F2: variants seen among roughly 807,000 people sequenced by gnomAD.
The protein encoded by F2 is prothrombin.
In F2, 34 loss-of-function variants were observed where a neutral mutation model predicts 81.9. The observed-to-expected ratio is 0.42, with a 90% CI of 0.32 to 0.55. The LOEUF (loss-of-function observed/expected upper bound fraction) is 0.55. Ranked by LOEUF, F2 falls within the 20% of genes least tolerant of loss-of-function variation. The pLI is 0.18. For missense variants in F2, 630 were observed against 833.4 expected (o/e 0.76, Z 3.00); for synonymous variants, 296 against 326.4 (o/e 0.91, Z 1.01).
rs1448014503 is a variant in F2 at position 46,739,458 on chromosome 11, T to C, written c.*50T>C. On this transcript the variant is annotated 3_prime_UTR_variant, in exon 14 of 14. Coordinates refer to ENST00000311907, the MANE Select transcript of F2 (RefSeq NM_000506.5). ...TGGAACCAATCCCGTGAAAGAATTA[T>C]TTTTGTGTTTCTAAAACTATGGTTC... 12 of 1,611,052 alleles carry C rather than the reference T, an allele frequency of 7.4e-6. No individual in the cohort carries two copies. The African/African-American group carries it at 1.3e-4, about 18-fold the overall frequency.
intron 2 of F2, chr11:46,720,232 G>A (rs866059558): frequency 3.6e-6 from 2 of 559,608 alleles, no homozygotes; most frequent in East Asian, 3.1e-5. Context: ...TGTTCCTGGA[G>A]CTCTGTGTCG....
At chr11:46,720,249 C>T in intron 2 of F2, 1 of 568,036 alleles carries the variant, frequency 1.8e-6, no homozygotes, top group Non-Finnish European at 3.1e-6. Flanking sequence ...GTCGCCTTTC[C>T]TGTCTGTAGG....
chr11:46,732,941 T>A (rs149231907), intron 12 of F2, among the ~76,000 whole-genome samples: 3 of 152,318 alleles, frequency 2.0e-5, no homozygotes, highest in East Asian at 3.9e-4. Context: ...AACTGAGATC[T>A]GGGTGCTGGC....
chr11:46,738,307 G>GT (rs1406910385), intron 12 of F2, among the ~76,000 whole-genome samples: 12 of 151,948 alleles, frequency 7.9e-5, no homozygotes, highest in Non-Finnish European at 1.0e-4. Flanking sequence ...TGAAGGTGTG[G>GT]TTTTTTTGTG....
At chr11:46,732,105 G>A (rs2064916732) in intron 12 of F2, among the ~76,000 whole-genome samples, 1 of 151,326 alleles carries the variant, frequency 6.6e-6, no homozygotes, top group South Asian at 2.1e-4. Flanking sequence ...TAGTAGAGAT[G>A]GGGTTTCACC....
chr11:46,726,271 C>A lies in F2; in HGVS notation c.874+98C>A. The A allele has an allele frequency of 6.6e-7, 1 of 1,511,808 alleles. No homozygotes were observed. Among genetic ancestry groups the A allele is most frequent in the Non-Finnish European group, 9.0e-7 (1 of 1,111,524 alleles). The allele number at this position is 1,511,808 out of a possible 1,614,324, so 93.6% of individuals were successfully genotyped here. On this transcript the variant is annotated intron_variant, in intron 7 of 13. Transcript: ENST00000311907. The surrounding 1 kb of genome is among the most constrained non-coding windows in gnomAD (Gnocchi z 5.9). ...TATCGAACGCTTACCTCATTGAGTG[C>A]GCTCATTACAGCCTTACAGTAACCA...
chr11:46,729,277 G>C, intron 11 of F2, 103 bp from the exon 12 acceptor site: 2 of 1,322,228 alleles, frequency 1.5e-6, no homozygotes, highest in African/African-American at 1.4e-5. Flanking sequence ...TCTGTGCCCA[G>C]CCAGCTCTGG....
chr11:46,728,844 C>T lies in F2; in HGVS notation c.1472+7C>T. 1 of 1,613,500 alleles carries T rather than the reference C, an allele frequency of 6.2e-7. No homozygotes were observed. Among genetic ancestry groups the T allele is most frequent in the Non-Finnish European group, 8.5e-7 (1 of 1,180,010 alleles). ...ACAGGGAGACGGCAGCCAGGTGGGCCACCAGATGCTTGTTAGCTGAGGGGC... is the reference window on the plus strand; with the variant it reads ...ACAGGGAGACGGCAGCCAGGTGGGCTACCAGATGCTTGTTAGCTGAGGGGC... On this transcript the variant is annotated splice_region_variant and intron_variant, in intron 11 of 13. Transcript: ENST00000311907. The surrounding 1 kb of genome is among the most constrained non-coding windows in gnomAD (Gnocchi z 5.1).
At chr11:46,720,763 A>G in intron 3 of F2, 27 bp from the exon 4 acceptor site, 1 of 1,613,818 alleles carries the variant, frequency 6.2e-7, no homozygotes, top group South Asian at 1.1e-5. Flanking sequence ...CCCCAATCCC[A>G]AAGGTAAACA....
chr11:46,731,232 T>TC, intron 12 of F2, among the ~76,000 whole-genome samples: 1 of 141,554 alleles, frequency 7.1e-6, no homozygotes, highest in East Asian at 2.1e-4. Flanking sequence ...CAGGAAATTT[T>TC]TTTTTTTTTT....
chr11:46,737,033 T>G (rs2064948219), intron 12 of F2, among the ~76,000 whole-genome samples: 1 of 152,216 alleles, frequency 6.6e-6, no homozygotes, highest in Non-Finnish European at 1.5e-5. Context: ...ATTGGTATCT[T>G]ATTTTATGTA....
chr11:46,719,329 G>A lies in F2; in HGVS notation c.79+15G>A, dbSNP rs779814226. On this transcript the variant is annotated intron_variant, in intron 1 of 13. Coordinates refer to ENST00000311907, the MANE Select transcript of F2 (RefSeq NM_000506.5). This position sits in a 1 kb window ranked among gnomAD's most constrained non-coding sequence, Gnocchi z 4.7. Reference sequence around the variant, plus strand: ...CAGCCAGCATGGTAAGGGAGTGCTTGCAGGCTGGAACAGGCTGGAGGACTG... The same window carrying A: ...CAGCCAGCATGGTAAGGGAGTGCTTACAGGCTGGAACAGGCTGGAGGACTG... 3 of 1,610,086 alleles carry A rather than the reference G, an allele frequency of 1.9e-6. No homozygotes were observed. Among genetic ancestry groups the A allele is most frequent in the East Asian group, 2.2e-5 (1 of 44,782 alleles).
chr11:46,726,247 A>G lies in F2; in HGVS notation c.874+74A>G. On this transcript the variant is annotated intron_variant, in intron 7 of 13. Coordinates refer to ENST00000311907, the MANE Select transcript of F2 (RefSeq NM_000506.5). The surrounding 1 kb of genome is among the most constrained non-coding windows in gnomAD (Gnocchi z 5.9). ...GGAATAACAACAGCCGCTTCTGCTT[A>G]TCGAACGCTTACCTCATTGAGTGCG... 6.3e-7 allele frequency: 1 copy of G among 1,580,064 alleles called. No individual in the cohort carries two copies. Among genetic ancestry groups the G allele is most frequent in the Non-Finnish European group, 8.6e-7 (1 of 1,161,940 alleles).
At chr11:46,732,228 G>C (rs2064917900) in intron 12 of F2, among the ~76,000 whole-genome samples, 1 of 151,700 alleles carries the variant, frequency 6.6e-6, no homozygotes, top group Non-Finnish European at 1.5e-5. Flanking sequence ...TTGATATTTT[G>C]TATTCTGTTT....
At chr11:46,731,698 G>C (rs2064912873) in intron 12 of F2, among the ~76,000 whole-genome samples, 1 of 152,030 alleles carries the variant, frequency 6.6e-6, no homozygotes. Flanking sequence ...CTGAATCCGG[G>C]TTTGTCTAAG....
rs1011111326 is a variant in F2 at position 46,739,418 on chromosome 11, C to T, written c.*10C>T. The stretch of plus-strand genomic sequence containing the variant: ...TCAGTTTGGAGAGTAGGGGGCCACT[C>T]ATATTCTGGGCTCCTGGAACCAATC... On this transcript the variant is annotated 3_prime_UTR_variant, in exon 14 of 14. Coordinates refer to ENST00000311907, the MANE Select transcript of F2 (RefSeq NM_000506.5). 10 of 1,613,874 alleles carry T rather than the reference C, an allele frequency of 6.2e-6. No homozygotes were observed. The highest frequency in any genetic ancestry group is 2.7e-5 in the African/African-American group (2 of 74,908).
intron 6 of F2, among the ~76,000 whole-genome samples, chr11:46,724,223 A>G (rs1250629965): frequency 1.3e-5 from 2 of 152,166 alleles, no homozygotes; most frequent in African/African-American, 4.8e-5. Context: ...TGTGTTAAGT[A>G]GCTATAGCCA....
chr11:46,729,713 A>G (rs907433874), intron 12 of F2, 152 bp downstream of exon 12: 1 of 831,984 alleles, frequency 1.2e-6, no homozygotes, highest in Non-Finnish European at 1.9e-6. Context: ...AAAAGTCTCT[A>G]TCCCATAAGG....
At chr11:46,732,025 C>T (rs1419754799) in intron 12 of F2, among the ~76,000 whole-genome samples, 1 of 150,650 alleles carries the variant, frequency 6.6e-6, no homozygotes, top group African/African-American at 2.4e-5. Context: ...AAGTGATTCT[C>T]CTGCCTCAGC....
Sources: allele counts gnomAD v4.1 joint callset (sites outside exome capture counted in the v4.1 genomes callset), GRCh38; gene constraint gnomAD v4.1.1; non-coding constraint Gnocchi (gnomAD v3.1); transcripts MANE v1.5; gene names NCBI Gene and HGNC (gene_info 2026-07-23, HGNC 2026-07-21).